The following DAGLA variants were observed in gnomAD, a reference collection of about 807,000 sequenced individuals.
DAGLA encodes the protein diacylglycerol lipase-alpha.
A neutral mutation model predicts 102.6 loss-of-function variants in DAGLA; 22 were observed. The ratio of observed to expected loss-of-function variants is 0.21; its 90% CI spans 0.15 to 0.31. The LOEUF is 0.31. DAGLA is among the 10% of genes least tolerant of loss of function. The probability of loss-of-function intolerance (pLI) is 1.00; values close to 1 mark genes in which losing one functional copy is unlikely to be tolerated. For synonymous variants in DAGLA, 578 were observed against 628.9 expected, an observed-to-expected ratio of 0.92 and a Z score of 1.21; for missense variants, 927 against 1,446.6, an observed-to-expected ratio of 0.64 and a Z score of 5.83.
At chr11:61,716,648 A>G (rs1265828721) in intron 1 of DAGLA, among the ~76,000 whole-genome samples, 1 of 152,176 alleles carries the variant, frequency 6.6e-6, no homozygotes, top group African/African-American at 2.4e-5. Context: ...AGGGCGAGGC[A>G]TATGCCTGAG....
Position 61,696,634 on chromosome 11 carries a change from G to A in DAGLA, c.-45+16130G>A, listed in dbSNP as rs1041991292. 3.9e-5 allele frequency among the ~76,000 whole-genome samples: 6 copies of A among 152,162 alleles called. No homozygotes were observed. In the East Asian group the frequency reaches 1.2e-3, roughly 29 times the overall value. ...TGGGGTGGGGAGCTGTGAGAGGCAG[G>A]AAGTGGGGTCAGCACCCGGATCCAA... On this transcript the variant is annotated intron_variant, in intron 1 of 19. Coordinates refer to ENST00000257215, the MANE Select transcript of DAGLA (RefSeq NM_006133.3).
intron 15 of DAGLA, 137 bp from the exon 16 acceptor site, chr11:61,737,998 C>G: frequency 1.4e-6 from 1 of 739,236 alleles, no homozygotes; most frequent in Non-Finnish European, 2.3e-6. Flanking sequence ...GTGGACACCT[C>G]TCCACCCCGT....
chr11:61,702,054 G>A (rs2065113874), intron 1 of DAGLA, among the ~76,000 whole-genome samples: 1 of 151,958 alleles, frequency 6.6e-6, no homozygotes, highest in South Asian at 2.1e-4. Flanking sequence ...GGGACTATAA[G>A]CATGCACCAC....
chr11:61,725,930 T>C (rs2135587994), intron 5 of DAGLA, 65 bp from the exon 6 acceptor site: 2 of 1,460,022 alleles, frequency 1.4e-6, no homozygotes, highest in South Asian at 1.1e-5. Context: ...TTCCATAACG[T>C]CTGGGTCCCA....
chr11:61,729,470 C>CACAGCCCAGGGCCCAGT (rs577464780), intron 8 of DAGLA, among the ~76,000 whole-genome samples: 2,120 of 152,122 alleles, frequency 0.014, 36 homozygotes, highest in Non-Finnish European at 0.016. Context: ...GGGCCCAGCA[C>CACAGCCCAGGGCCCAGT]ACAGCCCAGG....
At chr11:61,722,662 A>G (rs757388981) in intron 3 of DAGLA, among the ~76,000 whole-genome samples, 197 bp from the exon 4 acceptor site, 2 of 151,790 alleles carry the variant, frequency 1.3e-5, no homozygotes, top group Admixed American at 6.6e-5. Flanking sequence ...TCAGGGGCCA[A>G]CAGGACCAAA....
At chr11:61,688,656 G>A (rs1350319902) in intron 1 of DAGLA, among the ~76,000 whole-genome samples, 3 of 152,208 alleles carry the variant, frequency 2.0e-5, no homozygotes, top group Non-Finnish European at 2.9e-5. Flanking sequence ...CCCGTGGGGG[G>A]TTCTGGGCCC....
chr11:61,742,246 G>A (rs565439705), intron 19 of DAGLA, among the ~76,000 whole-genome samples: 26 of 152,056 alleles, frequency 1.7e-4, no homozygotes, highest in Non-Finnish European at 2.4e-4. Context: ...ACAGGGGCAC[G>A]CACATGGGGG....
intron 1 of DAGLA, among the ~76,000 whole-genome samples, chr11:61,685,522 A>T (rs2081823426): frequency 1.3e-5 from 2 of 152,074 alleles, no homozygotes; most frequent in Non-Finnish European, 2.9e-5. Flanking sequence ...GACATAGTCG[A>T]TAGTTATTTC....
rs955213084 is a variant in DAGLA, at chr11:61,744,741, C to T, written c.*252C>T. ...GGTGTGGAGTGGGGAGGAGCCTGGG[C>T]AGCCTGCTGGGTGGGCCACACTCAG... On this transcript the variant is annotated 3_prime_UTR_variant, in exon 20 of 20. Coordinates refer to ENST00000257215, the MANE Select transcript of DAGLA (RefSeq NM_006133.3). 7 of 448,264 alleles carry T rather than the reference C, an allele frequency of 1.6e-5. No homozygotes were observed. The highest frequency in any genetic ancestry group is 2.4e-5 in the Non-Finnish European group (6 of 253,118). The allele number at this position is 448,264 out of a possible 1,614,324, so 27.8% of individuals were successfully genotyped here.
At chr11:61,721,112 T>TAAATA (rs2065278521) in intron 3 of DAGLA, among the ~76,000 whole-genome samples, 1 of 152,206 alleles carries the variant, frequency 6.6e-6, no homozygotes, top group Non-Finnish European at 1.5e-5. Flanking sequence ...AATAAGGTTT[T>TAAATA]AGGCTGGGTG....
intron 12 of DAGLA, 77 bp downstream of exon 12, chr11:61,735,893 G>T (rs1306961436): frequency 2.9e-6 from 4 of 1,382,076 alleles, no homozygotes; most frequent in African/African-American, 2.9e-5. Flanking sequence ...GTATGGTTGG[G>T]GGTTCCTCCC....
intron 1 of DAGLA, among the ~76,000 whole-genome samples, chr11:61,709,301 A>G (rs541415402): frequency 1.3e-5 from 2 of 152,232 alleles, no homozygotes; most frequent in East Asian, 1.9e-4. Flanking sequence ...CTGGAGTGCA[A>G]TGTCGCAATC....
chr11:61,744,830 G>A lies in DAGLA; in HGVS notation c.*341G>A. The A allele has an allele frequency of 8.1e-6, 2 of 247,076 alleles. No homozygotes were observed. The highest frequency in any genetic ancestry group is 1.6e-5 in the Non-Finnish European group (2 of 127,468). 15.3% of individuals were successfully genotyped at this position (247,076 alleles called of 1,614,324 possible). A position where few individuals can be genotyped will look rare whatever the true frequency, so the allele number is the denominator to read the frequency against. ...CTCCAGGACAGGCCATGGGCAAGCT[G>A]CCTCCCATCACTGCCTGCTGGCTGC... On this transcript the variant is annotated 3_prime_UTR_variant, in exon 20 of 20. Transcript: ENST00000257215.
chr11:61,741,333 C>G lies in DAGLA; in HGVS notation c.2155C>G (p.Arg719Gly). The G allele has an allele frequency of 6.2e-7, 1 of 1,607,930 alleles. No homozygotes were observed. Among genetic ancestry groups the G allele is most frequent in the South Asian group, 1.1e-5 (1 of 90,982 alleles). ...CCTGGAGCTGCCGACTGCAGACCAC[C>G]GCAACAGCAGCGTCAGGTGAGCCTT... ...LALELPTADH[R>G]NSSVRSKSQS... The change falls in exon 19 of 20, where the codon CGC (arginine) becomes GGC (glycine). Residue 719 changes from arginine to glycine, a missense_variant. Arg to Gly is a moderately radical substitution (Grantham distance 125). Transcript: ENST00000257215.
intron 8 of DAGLA, among the ~76,000 whole-genome samples, chr11:61,729,701 G>C (rs565128741): frequency 6.6e-6 from 1 of 152,198 alleles, no homozygotes; most frequent in African/African-American, 2.4e-5. Flanking sequence ...GAGAGGACAC[G>C]AGCCATTCCC....
Position 61,744,116 on chromosome 11 carries a change from G to A in DAGLA, c.2756G>A (p.Ser919Asn). ...QVLEFAEFID[S>N]LFNLDSKSSS... ...CTGGAATTCGCCGAGTTCATCGACA[G>A]CCTCTTCAACCTGGACAGCAAGAGC... is the stretch of plus-strand genomic sequence containing the variant. Residue 919 changes from serine to asparagine, a missense_variant, in exon 20 of 20, where the codon AGC becomes AAC. Coordinates refer to ENST00000257215, the MANE Select transcript of DAGLA (RefSeq NM_006133.3). 2 of 1,613,034 alleles carry A rather than the reference G, an allele frequency of 1.2e-6. No individual in the cohort carries two copies. The highest frequency in any genetic ancestry group is 1.6e-4 in the Middle Eastern group (1 of 6,062).
chr11:61,705,500 C>T (rs1249759784), intron 1 of DAGLA, among the ~76,000 whole-genome samples: 5 of 152,194 alleles, frequency 3.3e-5, no homozygotes, highest in Non-Finnish European at 5.9e-5. Flanking sequence ...GCTTGTTCCG[C>T]TCTGCTCTCT....
rs1041864064 is a variant in DAGLA at position 61,703,091 on chromosome 11, A to C, written c.-44-17021A>C. On this transcript the variant is annotated intron_variant, in intron 1 of 19. Coordinates refer to ENST00000257215, the MANE Select transcript of DAGLA (RefSeq NM_006133.3). ...TGGGTGCAGCTCTGCTGTGGCTCCT[A>C]CGTTCTCCTGTTTCTGTCCTTCTCA... Among the ~76,000 whole-genome samples, 4 of 152,124 alleles carry C rather than the reference A, an allele frequency of 2.6e-5. No individual in the cohort carries two copies. The East Asian group carries it at 7.7e-4, about 29-fold the overall frequency.
Sources: gnomAD v4.1 joint callset for allele counts (sites outside exome capture counted in the v4.1 genomes callset) on GRCh38, gnomAD v4.1.1 for gene constraint, MANE v1.5 for transcripts, NCBI Gene and HGNC (gene_info 2026-07-23, HGNC 2026-07-21) for gene names.